The following AXL variants were observed in gnomAD, a reference collection of about 807,000 sequenced individuals.
AXL encodes the protein tyrosine-protein kinase receptor UFO.
AXL carries 52 observed loss-of-function variants against 104.5 expected under a neutral mutation model. The ratio of observed to expected loss-of-function variants is 0.50; its 90% CI spans 0.40 to 0.63. The LOEUF (loss-of-function observed/expected upper bound fraction) is 0.63. Among genes scored for constraint, AXL ranks in the 20% least tolerant of loss-of-function variants. The pLI is 0.00. For synonymous variants in AXL, 455 were observed against 473.7 expected, an observed-to-expected ratio of 0.96 and a Z score of 0.51; for missense variants, 1,024 against 1,188.5, an observed-to-expected ratio of 0.86 and a Z score of 2.04.
rs1489892182 is a variant in AXL at position 41,260,560 on chromosome 19, C to A, written c.*656C>A. On this transcript the variant is annotated 3_prime_UTR_variant, in exon 20 of 20. Transcript: ENST00000301178. ...CTCCTGACCTCAAGTGATCTGCCCA[C>A]CTCAGCCTCCCAAAGTGCTGAGATT... 6.6e-6 allele frequency: 1 copy of A among 152,116 alleles called. No individual in the cohort carries two copies. The highest frequency in any genetic ancestry group is 1.5e-5 in the Non-Finnish European group (1 of 68,078). The allele number at this position is 152,116 out of a possible 1,614,324, so 9.4% of individuals were successfully genotyped here.
chr19:41,220,984 C>T, intron 2 of AXL, 126 bp downstream of exon 2: 1 of 1,262,332 alleles, frequency 7.9e-7, no homozygotes, highest in Non-Finnish European at 1.1e-6. Flanking sequence ...GATGGAACCT[C>T]TAGGTTTCGT....
intron 9 of AXL, 79 bp from the exon 10 acceptor site, chr19:41,239,615 A>G: frequency 6.4e-7 from 1 of 1,573,858 alleles, no homozygotes; most frequent in Non-Finnish European, 8.7e-7. Context: ...TACCCGTGCC[A>G]CACCCTTACT....
intron 6 of AXL, among the ~76,000 whole-genome samples, chr19:41,236,013 A>G (rs530125259): frequency 1.3e-5 from 2 of 151,682 alleles, no homozygotes; most frequent in East Asian, 3.9e-4. Context: ...CCTGGGCAAC[A>G]TGGTGAAACC....
Position 41,219,298 on chromosome 19 carries a change from G to C in AXL, c.-95G>C. On this transcript the variant is annotated 5_prime_UTR_variant, in exon 1 of 20. Transcript: ENST00000301178. ...GTGCCAGGCAGGCAGTGCCAAATCC[G>C]GGGAGCCTGGAGCTGGGGGGAGGGC... The C allele has an allele frequency of 7.9e-7, 1 of 1,263,322 alleles. No homozygotes were observed. The highest frequency in any genetic ancestry group is 1.1e-6 in the Non-Finnish European group (1 of 921,852). The allele number at this position is 1,263,322 out of a possible 1,614,324, so 78.3% of individuals were successfully genotyped here. A position where few individuals can be genotyped will look rare whatever the true frequency, so the allele number is the denominator to read the frequency against.
Position 41,237,976 on chromosome 19 carries a change from G to A in AXL, c.816G>A (p.Gln272=). 3.7e-6 allele frequency: 6 copies of A among 1,613,876 alleles called. No individual in the cohort carries two copies. Among genetic ancestry groups the A allele is most frequent in the Non-Finnish European group, 5.1e-6 (6 of 1,179,926 alleles). Residue 272 remains glutamine, a synonymous_variant, in exon 7 of 20, where the codon CAG becomes CAA. Transcript: ENST00000301178. ...AVLSDDGMGI[Q]AGEPDPPEEP... ...TGTCAGACGATGGGATGGGCATCCAGGCGGGAGAACCAGACCCCCCAGAGG... is the reference window on the plus strand; with the variant it reads ...TGTCAGACGATGGGATGGGCATCCAAGCGGGAGAACCAGACCCCCCAGAGG...
chr19:41,226,217 G>GCGGT (rs1020074142), intron 4 of AXL, among the ~76,000 whole-genome samples: 2 of 152,176 alleles, frequency 1.3e-5, no homozygotes, highest in African/African-American at 4.8e-5. Context: ...CAGGAATGCT[G>GCGGT]CGGTCGGAAC....
intron 9 of AXL, 36 bp from the exon 10 acceptor site, chr19:41,239,658 C>T: frequency 6.2e-7 from 1 of 1,614,040 alleles, no homozygotes; most frequent in South Asian, 1.1e-5. Flanking sequence ...CTTGTCCTCT[C>T]TGAGCACATC....
chr19:41,230,131 G>A (rs1305956465), intron 4 of AXL, among the ~76,000 whole-genome samples: 3 of 133,186 alleles, frequency 2.3e-5, no homozygotes, highest in Non-Finnish European at 3.2e-5. Context: ...GAGACACAGT[G>A]TGTGTGTGTG....
At position 41,219,385 on chromosome 19, in the gene AXL, T is replaced by G. The variant is rs1455323649; in HGVS notation, c.-8T>G. 1.3e-6 allele frequency: 2 copies of G among 1,587,722 alleles called. No individual in the cohort carries two copies. Among genetic ancestry groups the G allele is most frequent in the Non-Finnish European group, 1.7e-6 (2 of 1,167,502 alleles). On this transcript the variant is annotated 5_prime_UTR_variant, in exon 1 of 20. Transcript: ENST00000301178. The stretch of plus-strand genomic sequence containing the variant: ...AGCCCAACAACTTCTGAGGAAAGTT[T>G]GGCACCCATGGCGTGGCGGTGCCCC...
intron 14 of AXL, among the ~76,000 whole-genome samples, chr19:41,250,936 CCA>C (rs946499799): frequency 6.6e-5 from 10 of 152,102 alleles, no homozygotes; most frequent in African/African-American, 2.4e-4. Flanking sequence ...CCTCTGTGAG[CCA>C]CAGTGTCCTG....
chr19:41,246,933 C>T (rs955934846), intron 12 of AXL, among the ~76,000 whole-genome samples: 1 of 151,958 alleles, frequency 6.6e-6, no homozygotes, highest in Non-Finnish European at 1.5e-5. Flanking sequence ...ATAATTCTAA[C>T]AATGTAAAGG....
chr19:41,227,575 GC>G (rs1384766712), intron 4 of AXL, among the ~76,000 whole-genome samples: 2 of 150,468 alleles, frequency 1.3e-5, no homozygotes, highest in Non-Finnish European at 3.0e-5. Context: ...AACCTCCGCA[GC>G]CCGGGTTCTA....
intron 4 of AXL, chr19:41,226,823 G>A: frequency 1.0e-6 from 1 of 984,166 alleles, no homozygotes; most frequent in South Asian, 4.7e-5. Flanking sequence ...GCCGGGCACC[G>A]AGTGGCTCTG....
In AXL at chr19:41,260,951, T is replaced by C. The variant is rs1389756914; in HGVS notation, c.*1047T>C. 1 of 152,184 alleles carries C rather than the reference T, an allele frequency of 6.6e-6. No individual in the cohort carries two copies. Among genetic ancestry groups the C allele is most frequent in the Admixed American group, 6.5e-5 (1 of 15,270 alleles). The allele number at this position is 152,184 out of a possible 1,614,324, so 9.4% of individuals were successfully genotyped here. A position where few individuals can be genotyped will look rare whatever the true frequency, so the allele number is the denominator to read the frequency against. ...ATCTTCTCAAGTTCTAAGATTCTAA[T>C]GATGATCAATTATAGTTTCTGAGGC... On this transcript the variant is annotated 3_prime_UTR_variant, in exon 20 of 20. Coordinates refer to ENST00000301178, the MANE Select transcript of AXL (RefSeq NM_021913.5).
chr19:41,237,996 C>G lies in AXL; in HGVS notation c.836C>G (p.Pro279Arg). The G allele has an allele frequency of 3.1e-6, 5 of 1,613,962 alleles. No homozygotes were observed. The highest frequency in any genetic ancestry group is 4.2e-6 in the Non-Finnish European group (5 of 1,179,968). ...MGIQAGEPDP[P>R]EEPLTSQASV... ...ATCCAGGCGGGAGAACCAGACCCCC[C>G]AGAGGAGCCCCTCACCTCGCAAGCA... The change falls in exon 7 of 20, where the codon CCA becomes CGA. Residue 279 changes from proline (P) to arginine (R), a missense_variant. By Grantham distance (103) the Pro-to-Arg change is moderately radical. Around this residue, in one of 5 missense-constraint regions of AXL, gnomAD observed 332 missense variants for 343.9 expected, o/e 0.97. Transcript: ENST00000301178.
At chr19:41,224,415 C>G (rs1205274971) in intron 4 of AXL, among the ~76,000 whole-genome samples, 1 of 152,018 alleles carries the variant, frequency 6.6e-6, no homozygotes, top group Non-Finnish European at 1.5e-5. Context: ...CTGTGTAACC[C>G]AGGCTGGAGT....
rs769525643 is a variant in AXL, at chr19:41,257,509, C to T, written c.2213C>T (p.Thr738Ile). 1.9e-6 allele frequency: 3 copies of T among 1,614,098 alleles called. No homozygotes were observed. The highest frequency in any genetic ancestry group is 1.1e-5 in the South Asian group (1 of 91,080). ...CCCTCACAGTGGTCCTTCGGGGTGA[C>T]AATGTGGGAGATTGCCACAAGAGGC... The part of the protein sequence containing the change: ...SKSDVWSFGV[T>I]MWEIATRGQT... Residue 738 changes from threonine to isoleucine, a missense_variant, in exon 19 of 20, where the codon ACA becomes ATA. Physicochemically the swap from Thr to Ile is moderately conservative, Grantham distance 89 (BLOSUM62 -1). Around this residue, in one of 5 missense-constraint regions of AXL, gnomAD observed 523 missense variants for 636.0 expected, o/e 0.82. Coordinates refer to ENST00000301178, the MANE Select transcript of AXL (RefSeq NM_021913.5).
rs573177044 is a variant in AXL at position 41,226,622 on chromosome 19, A to G, written c.587-4345A>G. The G allele has an allele frequency of 1.8e-5, 9 of 496,212 alleles. No homozygotes were observed. In the Admixed American group the frequency reaches 5.7e-4, roughly 32 times the overall value. The allele number at this position is 496,212 out of a possible 1,614,324, so 30.7% of individuals were successfully genotyped here. A position where few individuals can be genotyped will look rare whatever the true frequency, so the allele number is the denominator to read the frequency against. On this transcript the variant is annotated intron_variant, in intron 4 of 19. Coordinates refer to ENST00000301178, the MANE Select transcript of AXL (RefSeq NM_021913.5). Reference sequence around the variant, plus strand: ...AGCCTCCCTTGCCAACGCGGTGGGAACAGAGGCGTACACGCACGGAGCAAA... The same window carrying G: ...AGCCTCCCTTGCCAACGCGGTGGGAGCAGAGGCGTACACGCACGGAGCAAA...
At chr19:41,248,847 C>A (rs756294702) in intron 14 of AXL, 27 bp downstream of exon 14, 2 of 1,567,970 alleles carry the variant, frequency 1.3e-6, no homozygotes, top group Non-Finnish European at 1.7e-6. Flanking sequence ...TGTGTAGGAC[C>A]CCCAGCTCCT....
Sources: allele counts gnomAD v4.1 joint callset (sites outside exome capture counted in the v4.1 genomes callset), GRCh38; gene constraint gnomAD v4.1.1; regional missense constraint gnomAD v4.1.1; transcripts MANE v1.5; gene names NCBI Gene and HGNC (gene_info 2026-07-23, HGNC 2026-07-21).